Variants in PRDM16 observed in about 807,000 individuals in gnomAD.
The protein encoded by PRDM16 is histone-lysine N-methyltransferase PRDM16.
In PRDM16, 23 loss-of-function variants were observed where a neutral mutation model predicts 110.6. The observed-to-expected ratio is 0.21, with a 90% CI of 0.15 to 0.29. PRDM16 has a LOEUF of 0.29. Ranked by LOEUF, PRDM16 falls within the 10% of genes least tolerant of loss-of-function variation. The pLI is 1.00. For missense variants in PRDM16, 1,615 were observed against 1,794.3 expected, an observed-to-expected ratio of 0.90 and a Z score of 1.81; for synonymous variants, 799 against 781.8, an observed-to-expected ratio of 1.02 and a Z score of -0.37.
At chr1:3,179,389 C>G (rs2100775329) in intron 1 of PRDM16, among the ~76,000 whole-genome samples, 1 of 152,328 alleles carries the variant, frequency 6.6e-6, no homozygotes, top group East Asian at 1.9e-4. Flanking sequence ...ATGACAGGCT[C>G]CTTCACCCCC....
At chr1:3,429,982 C>T (rs1005623734) in intron 14 of PRDM16, among the ~76,000 whole-genome samples, 3 of 152,192 alleles carry the variant, frequency 2.0e-5, no homozygotes, top group African/African-American at 4.8e-5. Flanking sequence ...TGCCCCCGGG[C>T]GGAGTGAGGA....
At position 3,412,104 on chromosome 1, in the gene PRDM16, A is replaced by ACAAGGG. The variant is rs777935048; in HGVS notation, c.1918_1923dup (p.Gly640_Lys641dup). ...GACGTGGACAGCGACCCTGACAAGG[A>ACAAGGG]CAAGGGCAAGGGCAAGTCCGCCGAG... On this transcript the variant is annotated inframe_insertion, in exon 9 of 17. Coordinates refer to ENST00000270722, the MANE Select transcript of PRDM16 (RefSeq NM_022114.4). 4 of 1,582,996 alleles carry ACAAGGG rather than the reference A, an allele frequency of 2.5e-6. No homozygotes were observed. Among genetic ancestry groups the ACAAGGG allele is most frequent in the South Asian group, 2.3e-5 (2 of 86,616 alleles).
At chr1:3,355,237 A>T (rs377065397) in intron 3 of PRDM16, among the ~76,000 whole-genome samples, 1 of 152,136 alleles carries the variant, frequency 6.6e-6, no homozygotes, top group African/African-American at 2.4e-5. Context: ...GCCTGGCAGG[A>T]GGGGGAGGGA....
intron 1 of PRDM16, among the ~76,000 whole-genome samples, chr1:3,107,251 G>A (rs1219766331): frequency 6.6e-6 from 1 of 152,206 alleles, no homozygotes; most frequent in East Asian, 1.9e-4. Context: ...TGTTGGTCTT[G>A]GGGGACCAGT....
chr1:3,114,169 A>G (rs1474321811), intron 1 of PRDM16, among the ~76,000 whole-genome samples: 2 of 100,736 alleles, frequency 2.0e-5, no homozygotes, highest in Admixed American at 1.0e-4. Context: ...ACACACGCAC[A>G]CACACGCACA....
intron 1 of PRDM16, among the ~76,000 whole-genome samples, chr1:3,153,165 TCCC>T: frequency 1.3e-5 from 2 of 152,124 alleles, no homozygotes; most frequent in Non-Finnish European, 2.9e-5. Flanking sequence ...TGGTGACCCC[TCCC>T]CTGCCACCTG....
In PRDM16 at chr1:3,358,391, G is replaced by A. The variant is rs60848464; in HGVS notation, c.439-26761G>A. 0.045 allele frequency among the ~76,000 whole-genome samples: 6,865 copies of A among 152,258 alleles called. 475 individuals carry two copies. The highest frequency in any genetic ancestry group is 0.16 in the African/African-American group (6,462 of 41,516). ...ACCTGGGCAGTGGGTGGCAGCCATGGGGACTGATGGCAAAAGACCTCGGCG... is the reference window on the plus strand; with the variant it reads ...ACCTGGGCAGTGGGTGGCAGCCATGAGGACTGATGGCAAAAGACCTCGGCG... On this transcript the variant is annotated intron_variant, in intron 3 of 16. Coordinates refer to ENST00000270722, the MANE Select transcript of PRDM16 (RefSeq NM_022114.4). This position sits in a 1 kb window ranked among gnomAD's most constrained non-coding sequence, Gnocchi z 4.0.
In PRDM16 at chr1:3,412,705, C is replaced by A; in HGVS notation, c.2508C>A (p.Gly836=). 1 of 1,495,930 alleles carries A rather than the reference C, an allele frequency of 6.7e-7. No homozygotes were observed. The highest frequency in any genetic ancestry group is 1.3e-5 in the South Asian group (1 of 76,038). 92.7% of individuals were successfully genotyped at this position (1,495,930 alleles called of 1,614,324 possible). A position where few individuals can be genotyped will look rare whatever the true frequency, so the allele number is the denominator to read the frequency against. The change falls in exon 9 of 17, where the codon GGC becomes GGA. Residue 836 remains glycine (G), a synonymous_variant. Transcript: ENST00000270722. ...HVYGERKLGA[G]EGLPQVCPAR... The stretch of plus-strand genomic sequence containing the variant: ...ATGGGGAACGCAAGCTGGGCGCCGG[C>A]GAGGGGCTGCCCCAGGTGTGCCCGG...
chr1:3,347,548 C>T (rs1244895841), intron 3 of PRDM16, among the ~76,000 whole-genome samples: 1 of 152,148 alleles, frequency 6.6e-6, no homozygotes, highest in Non-Finnish European at 1.5e-5. Context: ...AGGCAAGAGG[C>T]AGTCAGGGGG....
chr1:3,301,902 G>A (rs963301784), intron 3 of PRDM16, among the ~76,000 whole-genome samples: 9 of 152,184 alleles, frequency 5.9e-5, no homozygotes, highest in Non-Finnish European at 1.3e-4. Flanking sequence ...GGCCCTTCCC[G>A]TGGAAATCCA....
rs1420588409 is a variant in PRDM16, at chr1:3,078,892, A to T, written c.37+9596A>T. ...GGGTCTCCCAGGGAAAGGGGAACGC[A>T]TTGAAAAATGCCCAGACATTTCTCT... On this transcript the variant is annotated intron_variant, in intron 1 of 16. Coordinates refer to ENST00000270722, the MANE Select transcript of PRDM16 (RefSeq NM_022114.4). Among the ~76,000 whole-genome samples the T allele has an allele frequency of 3.9e-5, 6 of 152,384 alleles. No homozygotes were observed. In the East Asian group the frequency reaches 1.2e-3, roughly 29 times the overall value.
intron 1 of PRDM16, among the ~76,000 whole-genome samples, chr1:3,164,414 G>T (rs555406608): frequency 6.6e-6 from 1 of 152,292 alleles, no homozygotes; most frequent in African/African-American, 2.4e-5. Context: ...TTCCCAGCTC[G>T]CTCGGACCCA....
At chr1:3,218,308 A>G (rs1372296785) in intron 2 of PRDM16, among the ~76,000 whole-genome samples, 1 of 152,222 alleles carries the variant, frequency 6.6e-6, no homozygotes, top group Non-Finnish European at 1.5e-5. Flanking sequence ...CCCAGCAGAA[A>G]GAATTATTAG....
intron 5 of PRDM16, among the ~76,000 whole-genome samples, chr1:3,401,518 G>T (rs541280233): frequency 6.6e-6 from 1 of 151,944 alleles, no homozygotes; most frequent in South Asian, 2.1e-4. Context: ...AAACATGCAC[G>T]TTAGCATACA....
chr1:3,172,844 T>C (rs1298252755), intron 1 of PRDM16, among the ~76,000 whole-genome samples: 1 of 151,570 alleles, frequency 6.6e-6, no homozygotes, highest in Non-Finnish European at 1.5e-5. Context: ...GATGCAGGAG[T>C]TCTGGAGATG....
intron 14 of PRDM16, among the ~76,000 whole-genome samples, chr1:3,429,773 CAA>C (rs900992079): frequency 7.2e-5 from 11 of 152,250 alleles, no homozygotes; most frequent in African/African-American, 2.7e-4. Flanking sequence ...GGCAGAAAGA[CAA>C]GAGATAGACA....
At chr1:3,135,357 A>T (rs1376281554) in intron 1 of PRDM16, among the ~76,000 whole-genome samples, 1 of 152,152 alleles carries the variant, frequency 6.6e-6, no homozygotes, top group Non-Finnish European at 1.5e-5. Flanking sequence ...TGCCTTGCAG[A>T]CACCGACCAC....
chr1:3,323,682 C>T (rs7552861), intron 3 of PRDM16, among the ~76,000 whole-genome samples: 6,598 of 152,350 alleles, frequency 0.043, 470 homozygotes, highest in African/African-American at 0.15. Context: ...GTGCTGGGAG[C>T]GGCCGCACTT....
chr1:3,277,852 T>C (rs920712254), intron 3 of PRDM16, among the ~76,000 whole-genome samples: 1 of 152,124 alleles, frequency 6.6e-6, no homozygotes, highest in Non-Finnish European at 1.5e-5. Flanking sequence ...CAGGCACATG[T>C]GCATAACCAC....
Sources: allele counts gnomAD v4.1 joint callset (sites outside exome capture counted in the v4.1 genomes callset), GRCh38; gene constraint gnomAD v4.1.1; non-coding constraint Gnocchi (gnomAD v3.1); transcripts MANE v1.5; gene names NCBI Gene and HGNC (gene_info 2026-07-23, HGNC 2026-07-21).